Variants in STAG1 observed in about 807,000 individuals in gnomAD.
STAG1 encodes STAG1 cohesin complex component, also known as cohesin subunit SA-1.
Under a neutral mutation model 170.9 loss-of-function variants are expected in STAG1, and 26 were observed. That is an observed-to-expected ratio of 0.15 (90% CI 0.11 to 0.21). STAG1 has a LOEUF of 0.21. STAG1 is among the 10% of genes least tolerant of loss of function. The probability of loss-of-function intolerance (pLI) is 1.00; values close to 1 mark genes in which losing one functional copy is unlikely to be tolerated. For synonymous variants in STAG1, 514 were observed against 497.7 expected, an observed-to-expected ratio of 1.03 and a Z score of -0.44; for missense variants, 964 against 1,509.5, an observed-to-expected ratio of 0.64 and a Z score of 5.99.
chr3:136,523,681 C>T (rs1934820950), intron 6 of STAG1, among the ~76,000 whole-genome samples: 1 of 152,118 alleles, frequency 6.6e-6, no homozygotes. Context: ...TGCCTATGTC[C>T]TGAGTGGTAT....
intron 13 of STAG1, among the ~76,000 whole-genome samples, chr3:136,459,335 C>G (rs537260936): frequency 4.9e-4 from 74 of 152,044 alleles, no homozygotes; most frequent in Non-Finnish European, 3.2e-4. Context: ...TATCTCTACA[C>G]TCAATATTGA....
intron 1 of STAG1, among the ~76,000 whole-genome samples, chr3:136,712,763 T>C (rs565004738): frequency 8.1e-4 from 124 of 152,306 alleles, no homozygotes; most frequent in African/African-American, 2.3e-3. Context: ...CTTAGATATA[T>C]ATCCAACAGA....
chr3:136,411,211 C>A (rs1237290957), intron 21 of STAG1, among the ~76,000 whole-genome samples: 1 of 151,840 alleles, frequency 6.6e-6, no homozygotes, highest in Non-Finnish European at 1.5e-5. Context: ...TGTAAATGAT[C>A]GATTGGTTTT....
intron 4 of STAG1, among the ~76,000 whole-genome samples, chr3:136,599,586 C>G (rs1036735495): frequency 5.3e-5 from 8 of 152,042 alleles, no homozygotes; most frequent in Non-Finnish European, 1.0e-4. Flanking sequence ...TCCCTCTGAT[C>G]TCTTCCCTTG....
intron 5 of STAG1, among the ~76,000 whole-genome samples, chr3:136,549,218 G>C (rs1936282462): frequency 6.6e-6 from 1 of 152,042 alleles, no homozygotes. Context: ...TTAATGTATA[G>C]AAATACAACT....
intron 1 of STAG1, among the ~76,000 whole-genome samples, chr3:136,685,855 T>C (rs1332230225): frequency 1.3e-5 from 2 of 152,164 alleles, no homozygotes; most frequent in African/African-American, 2.4e-5. Context: ...TGGGAATATA[T>C]AAAACCAGAA....
intron 1 of STAG1, among the ~76,000 whole-genome samples, chr3:136,741,629 C>T (rs1316552932): frequency 1.3e-5 from 2 of 152,030 alleles, no homozygotes; most frequent in African/African-American, 2.4e-5. Context: ...CCACAATGCC[C>T]GGCTAATTTT....
In STAG1 at chr3:136,339,489, C is replaced by T. The variant is rs75771194; in HGVS notation, c.3672+1002G>A. On this transcript the variant is annotated intron_variant, in intron 32 of 33. Coordinates refer to ENST00000383202, the MANE Select transcript of STAG1 (RefSeq NM_005862.3). ...AGTGAGCCGAGATTGCAGCATTGCA[C>T]TACAGCCTGGCAACAGAGCGAGACT... is the stretch of plus-strand genomic sequence containing the variant. Among the ~76,000 whole-genome samples the T allele has an allele frequency of 3.9e-3, 600 of 152,292 alleles. 12 individuals carry two copies. In the East Asian group the frequency reaches 0.056, roughly 14 times the overall value.
At chr3:136,540,337 T>C (rs1400651142) in intron 6 of STAG1, among the ~76,000 whole-genome samples, 2 of 151,424 alleles carry the variant, frequency 1.3e-5, no homozygotes, top group Non-Finnish European at 2.9e-5. Context: ...AAAAAAAAAC[T>C]AGAATGGTGA....
intron 5 of STAG1, among the ~76,000 whole-genome samples, chr3:136,547,241 TTAGTA>T (rs1406669702): frequency 6.6e-6 from 1 of 152,186 alleles, no homozygotes; most frequent in African/African-American, 2.4e-5. Context: ...ACACCTAACA[TTAGTA>T]TAGTACAACT....
chr3:136,533,368 G>A (rs1003096197), intron 6 of STAG1, among the ~76,000 whole-genome samples: 3 of 151,866 alleles, frequency 2.0e-5, no homozygotes, highest in African/African-American at 4.8e-5. Context: ...TGACTGTGTC[G>A]CCTTTTTTTT....
rs977779331 is a variant in STAG1 at position 136,466,848 on chromosome 3, C to T, written c.1206-1860G>A. On this transcript the variant is annotated intron_variant, in intron 12 of 33. Transcript: ENST00000383202. ...GCCAGAAGAGAGTGGAAGCCAACAT[C>T]CAACATTCTTCAAGAAAAGAATTTT... Among the ~76,000 whole-genome samples the T allele has an allele frequency of 3.9e-5, 6 of 152,156 alleles. No homozygotes were observed. In the South Asian group the frequency reaches 6.2e-4, roughly 16 times the overall value.
chr3:136,732,237 TAAAAAAAA>T (rs71134406), intron 1 of STAG1, among the ~76,000 whole-genome samples: 1 of 85,758 alleles, frequency 1.2e-5, no homozygotes, highest in African/African-American at 4.2e-5. Flanking sequence ...TATCCACAAC[TAAAAAAAA>T]AAAAAAAAAA....
intron 6 of STAG1, 130 bp downstream of exon 6, chr3:136,541,989 A>G: frequency 2.9e-6 from 2 of 689,810 alleles, no homozygotes; most frequent in Non-Finnish European, 5.0e-6. Context: ...ACCACAGATT[A>G]TCATATATAA....
rs894740336 is a variant in STAG1 at position 136,356,784 on chromosome 3, G to C, written c.3065+936C>G. ...TATTTTTTTATTGAGACGGAGTCTCGCTCTGTCACCCAGGCTGGAGTGGAG... is the reference window on the plus strand; with the variant it reads ...TATTTTTTTATTGAGACGGAGTCTCCCTCTGTCACCCAGGCTGGAGTGGAG... On this transcript the variant is annotated intron_variant, in intron 28 of 33. Transcript: ENST00000383202. 1.1e-4 allele frequency among the ~76,000 whole-genome samples: 17 copies of C among 150,912 alleles called. No homozygotes were observed. The Middle Eastern group carries it at 0.011, about 99-fold the overall frequency.
At chr3:136,406,445 G>T (rs2087486576) in intron 21 of STAG1, among the ~76,000 whole-genome samples, 1 of 152,136 alleles carries the variant, frequency 6.6e-6, no homozygotes. Context: ...AGTCTTCTGG[G>T]ATGATGAAAC....
rs114449226 is a variant in STAG1, at chr3:136,561,353, T to C, written c.394+7412A>G. On this transcript the variant is annotated intron_variant, in intron 5 of 33. Coordinates refer to ENST00000383202, the MANE Select transcript of STAG1 (RefSeq NM_005862.3). The stretch of plus-strand genomic sequence containing the variant: ...GTTATAAAGGAATTCTTAGTTTTCA[T>C]TGAGTGCTTTTACTATTTTTCTTTG... 4.5e-3 allele frequency among the ~76,000 whole-genome samples: 689 copies of C among 152,360 alleles called. 7 individuals carry two copies. Among genetic ancestry groups the C allele is most frequent in the Non-Finnish European group, 8.0e-3 (543 of 68,030 alleles).
At position 136,487,257 on chromosome 3, in the gene STAG1, G is replaced by T. The variant is rs938775853; in HGVS notation, c.903-9845C>A. On this transcript the variant is annotated intron_variant, in intron 9 of 33. Coordinates refer to ENST00000383202, the MANE Select transcript of STAG1 (RefSeq NM_005862.3). ...TGGTTTTCTGTTCCTGTGTTAGTTT[G>T]CTGAGGATAATGGCTTCCAGCTTCA... 2.0e-5 allele frequency among the ~76,000 whole-genome samples: 3 copies of T among 152,096 alleles called. No homozygotes were observed. The South Asian group carries it at 6.2e-4, about 32-fold the overall frequency.
intron 9 of STAG1, among the ~76,000 whole-genome samples, chr3:136,478,371 A>C (rs2089815542): frequency 6.6e-6 from 1 of 152,108 alleles, no homozygotes; most frequent in Non-Finnish European, 1.5e-5. Flanking sequence ...CCTACTATAC[A>C]ATCTCTGTGA....
Sources: gnomAD v4.1 joint callset for allele counts (sites outside exome capture counted in the v4.1 genomes callset) on GRCh38, gnomAD v4.1.1 for gene constraint, MANE v1.5 for transcripts, NCBI Gene and HGNC (gene_info 2026-07-23, HGNC 2026-07-21) for gene names.